Variants in OTUD7A observed in about 807,000 individuals in gnomAD.
OTUD7A encodes the protein OTU deubiquitinase 7A.
In OTUD7A, 12 loss-of-function variants were observed where a neutral mutation model predicts 65.7. The observed-to-expected ratio is 0.18, with a 90% CI of 0.12 to 0.30. The LOEUF (loss-of-function observed/expected upper bound fraction) is 0.30, where lower values mean the gene tolerates loss of function less well. Ranked by LOEUF, OTUD7A falls within the 10% of genes least tolerant of loss-of-function variation. The pLI, the probability that OTUD7A is intolerant of heterozygous loss-of-function variation, is 1.00. For missense variants in OTUD7A, 1,148 were observed against 1,304.8 expected (o/e 0.88, Z 1.85); for synonymous variants, 641 against 586.3 (o/e 1.09, Z -1.35).
chr15:31,646,236 A>C (rs1891659278), intron 3 of OTUD7A, among the ~76,000 whole-genome samples: 1 of 151,924 alleles, frequency 6.6e-6, no homozygotes. Flanking sequence ...GAATTCCTGG[A>C]CCTCAGGGAG....
chr15:31,796,242 T>C (rs1025981910), intron 1 of OTUD7A, among the ~76,000 whole-genome samples: 2 of 150,966 alleles, frequency 1.3e-5, no homozygotes, highest in African/African-American at 4.9e-5. Flanking sequence ...CTATCATCTA[T>C]CTGTCTTCTA....
chr15:31,746,293 G>A (rs1206483158), intron 1 of OTUD7A, among the ~76,000 whole-genome samples: 1 of 152,070 alleles, frequency 6.6e-6, no homozygotes, highest in African/African-American at 2.4e-5. Context: ...CAACCCAAAT[G>A]TCCATCAAGA....
intron 12 of OTUD7A, among the ~76,000 whole-genome samples, chr15:31,485,267 C>T (rs1057246540): frequency 6.6e-6 from 1 of 152,214 alleles, no homozygotes; most frequent in Non-Finnish European, 1.5e-5. Context: ...GATGTCTCAC[C>T]TCACGCCAGG....
chr15:31,487,825 A>G lies in OTUD7A; in HGVS notation c.1172-259T>C, dbSNP rs918769586. Among the ~76,000 whole-genome samples the G allele has an allele frequency of 1.3e-5, 2 of 152,176 alleles. No homozygotes were observed. Among genetic ancestry groups the G allele is most frequent in the South Asian group, 2.1e-4 (1 of 4,828 alleles). ...GGGTCTGTCCAATGGCAGATACTCC[A>G]TTGGGCAGCAGAATGGGAAAAAAGC... On this transcript the variant is annotated intron_variant, in intron 10 of 12. Coordinates refer to ENST00000307050, the MANE Select transcript of OTUD7A (RefSeq NM_001382637.1). The surrounding 1 kb of genome is among the most constrained non-coding windows in gnomAD (Gnocchi z 6.0).
intron 1 of OTUD7A, among the ~76,000 whole-genome samples, chr15:31,797,972 T>G (rs1227725110): frequency 6.6e-6 from 1 of 152,112 alleles, no homozygotes; most frequent in Non-Finnish European, 1.5e-5. Flanking sequence ...TCCTGAGGCC[T>G]CTCTTCTTGG....
chr15:31,627,661 G>A (rs1179825551), intron 3 of OTUD7A, among the ~76,000 whole-genome samples: 2 of 152,074 alleles, frequency 1.3e-5, no homozygotes, highest in South Asian at 2.1e-4. Context: ...CTGAGGAATC[G>A]CCACACTGAC....
chr15:31,762,039 G>T (rs934852400), intron 1 of OTUD7A, among the ~76,000 whole-genome samples: 8 of 152,142 alleles, frequency 5.3e-5, no homozygotes, highest in Admixed American at 1.3e-4. Flanking sequence ...TTCTTTTTGG[G>T]GTAATGAAGT....
At chr15:31,587,185 C>T (rs1889568210) in intron 3 of OTUD7A, among the ~76,000 whole-genome samples, 1 of 152,142 alleles carries the variant, frequency 6.6e-6, no homozygotes, top group African/African-American at 2.4e-5. Flanking sequence ...AATATGCATT[C>T]TTGATCTAAT....
intron 1 of OTUD7A, among the ~76,000 whole-genome samples, chr15:31,853,121 GAAGAATTGTTCTGGAGTCAAAC>G (rs1329283353): frequency 1.3e-5 from 2 of 152,210 alleles, no homozygotes; most frequent in African/African-American, 4.8e-5. Context: ...GAGCCTTTGT[GAAGAATTGTTCTGGAGTCAAAC>G]AAAAACTCTT....
At chr15:31,766,529 A>C in intron 1 of OTUD7A, 12 of 1,613,052 alleles carry the variant, frequency 7.4e-6, no homozygotes, top group Non-Finnish European at 1.0e-5. Flanking sequence ...CTCCAAGTTC[A>C]CTTTCCATAG....
intron 4 of OTUD7A, among the ~76,000 whole-genome samples, chr15:31,561,636 T>A (rs1308444512): frequency 1.3e-5 from 2 of 151,962 alleles, no homozygotes; most frequent in Non-Finnish European, 2.9e-5. Flanking sequence ...ATATTTGGAG[T>A]TTGAGGGAAA....
chr15:31,567,722 T>C lies in OTUD7A; in HGVS notation c.331+2296A>G, dbSNP rs1033921111. Among the ~76,000 whole-genome samples, 16 of 152,364 alleles carry C rather than the reference T, an allele frequency of 1.1e-4. No homozygotes were observed. In the South Asian group the frequency reaches 3.1e-3, roughly 30 times the overall value. ...GGCCTAGTTGGAAAGAATGGTTTCA[T>C]GGGCCAGGCCCAGGGCCCCGCTACC... On this transcript the variant is annotated intron_variant, in intron 4 of 12. Coordinates refer to ENST00000307050, the MANE Select transcript of OTUD7A (RefSeq NM_001382637.1).
At position 31,807,180 on chromosome 15, in the gene OTUD7A, TAACACCG is replaced by T. The variant is rs1377153628; in HGVS notation, c.-100+63320_-100+63326del. On this transcript the variant is annotated intron_variant, in intron 1 of 12. Transcript: ENST00000307050. ...CCCCTTATAAGCTCAATAGAGTCAA[TAACACCG>T]TTCCCATTTTGCAGGTGAAATCGAG... Among the ~76,000 whole-genome samples the T allele has an allele frequency of 1.2e-3, 187 of 152,320 alleles. 5 individuals carry two copies. In the East Asian group the frequency reaches 0.022, roughly 18 times the overall value.
At chr15:31,760,656 A>G (rs1472652410) in intron 1 of OTUD7A, among the ~76,000 whole-genome samples, 2 of 152,238 alleles carry the variant, frequency 1.3e-5, no homozygotes, top group Admixed American at 1.3e-4. Context: ...GATTCAACCC[A>G]ATCCCTTTCA....
chr15:31,774,300 C>A (rs950321114), intron 1 of OTUD7A, among the ~76,000 whole-genome samples: 7 of 152,284 alleles, frequency 4.6e-5, no homozygotes, highest in Non-Finnish European at 8.8e-5. Context: ...CCAGGGACAG[C>A]TCCATAACCA....
At chr15:31,718,342 A>G (rs1211223716) in intron 1 of OTUD7A, among the ~76,000 whole-genome samples, 4 of 152,204 alleles carry the variant, frequency 2.6e-5, no homozygotes, top group Non-Finnish European at 5.9e-5. Flanking sequence ...TGGTCATCAA[A>G]TGGTGACTAT....
At position 31,476,692 on chromosome 15, in the gene OTUD7A, G is replaced by C. The variant is rs2041025752; in HGVS notation, c.*6602C>G. 6.6e-6 allele frequency: 1 copy of C among 152,266 alleles called. No individual in the cohort carries two copies. Among genetic ancestry groups the C allele is most frequent in the Non-Finnish European group, 1.5e-5 (1 of 68,070 alleles). The allele number at this position is 152,266 out of a possible 1,614,324, so 9.4% of individuals were successfully genotyped here. A position where few individuals can be genotyped will look rare whatever the true frequency, so the allele number is the denominator to read the frequency against. ...GAGACCTTATGCCCCCTCCCACGAG[G>C]GACCTGAAAATATGGCATCAAGAGA... On this transcript the variant is annotated 3_prime_UTR_variant, in exon 13 of 13. Coordinates refer to ENST00000307050, the MANE Select transcript of OTUD7A (RefSeq NM_001382637.1).
intron 1 of OTUD7A, among the ~76,000 whole-genome samples, chr15:31,680,058 G>A (rs1268591733): frequency 9.2e-5 from 14 of 152,012 alleles, no homozygotes; most frequent in Non-Finnish European, 1.0e-4. Context: ...ATACAAATTC[G>A]ACAAGATAAT....
chr15:31,619,843 C>T (rs200755444), intron 3 of OTUD7A, among the ~76,000 whole-genome samples: 4 of 152,286 alleles, frequency 2.6e-5, no homozygotes, highest in South Asian at 4.1e-4. Context: ...CCTGTCTGTG[C>T]CAGTTTTCAA....
Sources: gnomAD v4.1 joint callset for allele counts (sites outside exome capture counted in the v4.1 genomes callset) on GRCh38, gnomAD v4.1.1 for gene constraint, Gnocchi (gnomAD v3.1) non-coding constraint, MANE v1.5 for transcripts, NCBI Gene and HGNC (gene_info 2026-07-23, HGNC 2026-07-21) for gene names.